The following SIGLEC12 variants were observed in gnomAD, a reference collection of about 807,000 sequenced individuals.
SIGLEC12 encodes sialic acid binding Ig like lectin 12.
In SIGLEC12, 43 loss-of-function variants were observed where a neutral mutation model predicts 54.1. The observed-to-expected ratio is 0.80, with a 90% CI of 0.62 to 1.03. The LOEUF is 1.03. Ranked by LOEUF, SIGLEC12 falls within the 50% of genes least tolerant of loss-of-function variation. The pLI is 0.00. For synonymous variants in SIGLEC12, 357 were observed against 307.6 expected (o/e 1.16, Z -1.68); for missense variants, 802 against 735.2 (o/e 1.09, Z -1.05).
Position 51,496,944 on chromosome 19 carries a change from G to T in SIGLEC12, c.1535C>A (p.Pro512Gln). Residue 512 changes from proline to glutamine, a missense_variant, in exon 7 of 8, where the codon CCA (proline) becomes CAA (glutamine). Coordinates refer to ENST00000291707, the MANE Select transcript of SIGLEC12 (RefSeq NM_053003.4). ...GCCTGTATCCCCCACGCCCACTGCT[G>T]GCCTTGCCGATTTCTTCCTGCAGGA... is the stretch of plus-strand genomic sequence containing the variant. ...VRSCRKKSARPAVGVGDTGME... is the reference protein window; with the variant it reads ...VRSCRKKSARQAVGVGDTGME... 6.2e-7 allele frequency: 1 copy of T among 1,613,558 alleles called. No individual in the cohort carries two copies. The highest frequency in any genetic ancestry group is 8.5e-7 in the Non-Finnish European group (1 of 1,180,008).
At chr19:51,495,952 G>A (rs1250743667) in intron 7 of SIGLEC12, among the ~76,000 whole-genome samples, 1 of 152,228 alleles carries the variant, frequency 6.6e-6, no homozygotes, top group Non-Finnish European at 1.5e-5. Flanking sequence ...AACAGCCAAT[G>A]TGAAGACGTA....
intron 1 of SIGLEC12, 191 bp from the exon 2 acceptor site, chr19:51,500,491 T>C (rs1203078412): frequency 5.2e-6 from 5 of 953,812 alleles, no homozygotes; most frequent in Middle Eastern, 3.3e-4. Flanking sequence ...CAGCCCTGCA[T>C]GGAAGAGAAA....
In SIGLEC12 at chr19:51,497,106, C is replaced by T. The variant is rs1002035680; in HGVS notation, c.1503-130G>A. The T allele has an allele frequency of 7.0e-6, 10 of 1,422,648 alleles. No homozygotes were observed. In the African/African-American group the frequency reaches 1.0e-4, roughly 14 times the overall value. 88.1% of individuals were successfully genotyped at this position (1,422,648 alleles called of 1,614,324 possible). On this transcript the variant is annotated intron_variant, in intron 6 of 7. Coordinates refer to ENST00000291707, the MANE Select transcript of SIGLEC12 (RefSeq NM_053003.4). Reference sequence around the variant, plus strand: ...GAGGCGGGAGGGGAGTGGTCCCATTCCAGAGACCCCAATGTCGAAAACAGA... The same window carrying T: ...GAGGCGGGAGGGGAGTGGTCCCATTTCAGAGACCCCAATGTCGAAAACAGA...
At position 51,496,957 on chromosome 19, in the gene SIGLEC12, T is replaced by G. The variant is rs73575433; in HGVS notation, c.1522A>C (p.Lys508Gln). The change falls in exon 7 of 8, where the codon AAA (lysine) becomes CAA (glutamine). Residue 508 changes from lysine (K) to glutamine (Q), a missense_variant. Transcript: ENST00000291707. ...ACGCCCACTGCTGGCCTTGCCGATT[T>G]CTTCCTGCAGGACCTCACTCTGAGT... The part of the protein sequence containing the change: ...IFVVVRSCRK[K>Q]SARPAVGVGD... 2,664 of 1,613,360 alleles carry G rather than the reference T, an allele frequency of 1.7e-3. 52 individuals are homozygous for G. In the African/African-American group the frequency reaches 0.032, roughly 19 times the overall value.
chr19:51,492,857 T>C (rs1364747760), intron 7 of SIGLEC12, among the ~76,000 whole-genome samples: 1 of 152,194 alleles, frequency 6.6e-6, no homozygotes, highest in Non-Finnish European at 1.5e-5. Flanking sequence ...CTTGTGACCT[T>C]CAGAACTTTA....
At chr19:51,496,482 T>A (rs1347879769) in intron 7 of SIGLEC12, among the ~76,000 whole-genome samples, 1 of 151,890 alleles carries the variant, frequency 6.6e-6, no homozygotes, top group African/African-American at 2.4e-5. Flanking sequence ...AATAAATAAA[T>A]AAAAATAAAA....
intron 3 of SIGLEC12, 78 bp downstream of exon 3, chr19:51,499,360 C>T: frequency 6.5e-7 from 1 of 1,545,300 alleles, no homozygotes; most frequent in South Asian, 1.2e-5. Context: ...GGACCCAGAT[C>T]CTTGAGTCTG....
In SIGLEC12 at chr19:51,491,710, C is replaced by G; in HGVS notation, c.1719G>C (p.Ala573=). The G allele has an allele frequency of 1.9e-6, 3 of 1,613,752 alleles. No homozygotes were observed. Among genetic ancestry groups the G allele is most frequent in the Non-Finnish European group, 2.5e-6 (3 of 1,179,926 alleles). Residue 573 remains alanine (A), a synonymous_variant, in exon 8 of 8, where the codon GCG becomes GCC. Coordinates refer to ENST00000291707, the MANE Select transcript of SIGLEC12 (RefSeq NM_053003.4). ...IQYASLSFHK[A]RPQYPQEQEA... is the part of the protein sequence containing the mutation. ...CCTGTTCCTGTGGGTACTGAGGCCT[C>G]GCTTTGTGGAAGCTGAGGGATGCAT...
intron 4 of SIGLEC12, among the ~76,000 whole-genome samples, 155 bp downstream of exon 4, chr19:51,499,015 T>G (rs1990316460): frequency 6.7e-6 from 1 of 150,128 alleles, no homozygotes. Flanking sequence ...GAAGGGGTGA[T>G]GAGAAGGTGC....
rs1481511681 is a variant in SIGLEC12, at chr19:51,495,373, A to G, written c.1599+1507T>C. Among the ~76,000 whole-genome samples, 131 of 68,614 alleles carry G rather than the reference A, an allele frequency of 1.9e-3. 1 individual carries two copies. The highest frequency in any genetic ancestry group is 2.5e-3 in the African/African-American group (45 of 18,032). 45.0% of individuals were successfully genotyped at this position (68,614 alleles called of 152,430 possible). On this transcript the variant is annotated intron_variant, in intron 7 of 7. Coordinates refer to ENST00000291707, the MANE Select transcript of SIGLEC12 (RefSeq NM_053003.4). ...GATGGACAGACGGGTGGGTGGATGG[A>G]TGGATGGATGGATGGATGGATGGAT...
intron 4 of SIGLEC12, among the ~76,000 whole-genome samples, chr19:51,498,955 C>G (rs184340235): frequency 3.3e-5 from 5 of 152,064 alleles, no homozygotes; most frequent in African/African-American, 1.2e-4. Flanking sequence ...TCCCTCTACC[C>G]TTGCTGTGGG....
In SIGLEC12 at chr19:51,495,191, GGA is replaced by G. The variant is rs760149297; in HGVS notation, c.1599+1687_1599+1688del. Among the ~76,000 whole-genome samples, 1,203 of 149,126 alleles carry G rather than the reference GGA, an allele frequency of 8.1e-3. 17 individuals carry two copies. The highest frequency in any genetic ancestry group is 0.011 in the Non-Finnish European group (723 of 66,958). On this transcript the variant is annotated intron_variant, in intron 7 of 7. Transcript: ENST00000291707. ...TGGGTGGATGGATGGATGGATGGATGGATGGATGGACGGACGGGTGGGTGGGT... is the reference window on the plus strand; with the variant it reads ...TGGGTGGATGGATGGATGGATGGATGTGGATGGACGGACGGGTGGGTGGGT...
In SIGLEC12 at chr19:51,491,663, G is replaced by T; in HGVS notation, c.1766C>A (p.Ser589Tyr). Residue 589 changes from serine (S) to tyrosine (Y), a missense_variant, in exon 8 of 8, where the codon TCC (serine) becomes TAC (tyrosine). Physicochemically the swap from Ser to Tyr is moderately radical, Grantham distance 144. Transcript: ENST00000291707. ...QEQEAIGYEY[S>Y]EINIPK Reference sequence around the variant, plus strand: ...TTCTCACTTGGGGATGTTGATCTCGGAGTACTCATAGCCGATGGCCTCCTG... The same window carrying T: ...TTCTCACTTGGGGATGTTGATCTCGTAGTACTCATAGCCGATGGCCTCCTG... 6.2e-7 allele frequency: 1 copy of T among 1,614,048 alleles called. No homozygotes were observed. Among genetic ancestry groups the T allele is most frequent in the Non-Finnish European group, 8.5e-7 (1 of 1,180,012 alleles).
Position 51,498,179 on chromosome 19 carries a change from C to A in SIGLEC12, c.1244G>T (p.Trp415Leu), listed in dbSNP as rs142754806. Residue 415 changes from tryptophan (W) to leucine (L), a missense_variant, in exon 5 of 8, where the codon TGG becomes TTG. Transcript: ENST00000291707. ...TGAGGGGCTCAGGGTCAGGCTCCCC[C>A]AGGTCCAGCTCAGCCTGGCAGGGGG... ...SNPPARLSWTWGSLTLSPSQS... is the reference protein window; with the variant it reads ...SNPPARLSWTLGSLTLSPSQS... The A allele has an allele frequency of 1.6e-5, 26 of 1,614,246 alleles. No homozygotes were observed. The highest frequency in any genetic ancestry group is 1.9e-5 in the Non-Finnish European group (22 of 1,180,042).
intron 7 of SIGLEC12, among the ~76,000 whole-genome samples, chr19:51,496,271 C>A (rs1292950138): frequency 6.6e-6 from 1 of 152,126 alleles, no homozygotes; most frequent in Non-Finnish European, 1.5e-5. Flanking sequence ...GAGTTTGAGA[C>A]CAGCCTGACC....
Position 51,501,794 on chromosome 19 carries a change from A to T in SIGLEC12, c.-61T>A. On this transcript the variant is annotated 5_prime_UTR_variant, in exon 1 of 8. Transcript: ENST00000291707. ...GTCTGTTCCTCAGGGTTCTTCTCTC[A>T]GGAACTGAGAACTCAAGATTTCGAG... is the stretch of plus-strand genomic sequence containing the variant. 6.7e-7 allele frequency: 1 copy of T among 1,484,706 alleles called. No homozygotes were observed. The highest frequency in any genetic ancestry group is 9.0e-7 in the Non-Finnish European group (1 of 1,114,810). 92.0% of individuals were successfully genotyped at this position (1,484,706 alleles called of 1,614,324 possible).
intron 4 of SIGLEC12, among the ~76,000 whole-genome samples, chr19:51,498,528 A>G (rs1990304361): frequency 6.6e-6 from 1 of 152,240 alleles, no homozygotes; most frequent in Admixed American, 6.5e-5. Context: ...TTAGGACTTT[A>G]TTCCATACAC....
Position 51,491,662 on chromosome 19 carries a change from G to A in SIGLEC12, c.1767C>T (p.Ser589=), listed in dbSNP as rs755647696. 1.2e-5 allele frequency: 19 copies of A among 1,613,948 alleles called. No homozygotes were observed. In the East Asian group the frequency reaches 2.5e-4, roughly 21 times the overall value. ...QEQEAIGYEY[S]EINIPK Reference sequence around the variant, plus strand: ...TTTCTCACTTGGGGATGTTGATCTCGGAGTACTCATAGCCGATGGCCTCCT... The same window carrying A: ...TTTCTCACTTGGGGATGTTGATCTCAGAGTACTCATAGCCGATGGCCTCCT... The change falls in exon 8 of 8, where the codon TCC becomes TCT. Residue 589 remains serine, a synonymous_variant. Coordinates refer to ENST00000291707, the MANE Select transcript of SIGLEC12 (RefSeq NM_053003.4).
At position 51,496,885 on chromosome 19, in the gene SIGLEC12, A is replaced by G; in HGVS notation, c.1594T>C (p.Ser532Pro). The G allele has an allele frequency of 1.2e-6, 2 of 1,614,096 alleles. No homozygotes were observed. Among genetic ancestry groups the G allele is most frequent in the Non-Finnish European group, 1.7e-6 (2 of 1,179,978 alleles). ...EDANAVRGSA[S>P]QGPLIESPAD... The stretch of plus-strand genomic sequence containing the variant: ...GTGATTCAATGCTCACTCACCTGAG[A>G]GGCTGAGCCCCTGACAGCGTTTGCG... The change falls in exon 7 of 8, where the codon TCT becomes CCT. Residue 532 changes from serine to proline, a missense_variant. Transcript: ENST00000291707.
Sources: gnomAD v4.1 joint callset for allele counts (sites outside exome capture counted in the v4.1 genomes callset) on GRCh38, gnomAD v4.1.1 for gene constraint, MANE v1.5 for transcripts, NCBI Gene and HGNC (gene_info 2026-07-23, HGNC 2026-07-21) for gene names.